CRAMP1: variants seen among roughly 807,000 people sequenced by gnomAD.
CRAMP1 encodes the protein protein cramped-like.
Under a neutral mutation model 115.4 loss-of-function variants are expected in CRAMP1, and 50 were observed. That is an observed-to-expected ratio of 0.43 (90% confidence interval 0.35 to 0.55). The LOEUF (loss-of-function observed/expected upper bound fraction) is 0.55. Ranked by LOEUF, CRAMP1 falls within the 20% of genes least tolerant of loss-of-function variation. The pLI is 0.01. For missense variants in CRAMP1, 1,679 were observed against 1,721.7 expected (o/e 0.98, Z 0.44); for synonymous variants, 866 against 745.4 (o/e 1.16, Z -2.64).
At chr16:1,643,229 A>G (rs1023321494) in intron 6 of CRAMP1, among the ~76,000 whole-genome samples, 2 of 152,106 alleles carry the variant, frequency 1.3e-5, no homozygotes, top group Non-Finnish European at 2.9e-5. Context: ...TGCAGAGGGA[A>G]AGTGCCTTCT....
At position 1,659,894 on chromosome 16, in the gene CRAMP1, A is replaced by G; in HGVS notation, c.2244A>G (p.Glu748=). 1 of 1,613,350 alleles carries G rather than the reference A, an allele frequency of 6.2e-7. No homozygotes were observed. Among genetic ancestry groups the G allele is most frequent in the African/African-American group, 1.3e-5 (1 of 75,056 alleles). ...GCCCATTTCTGTCCTAGGCTCTGGA[A>G]GCAAACACCATCTCTACAGCCTCAG... ...STEVNPKLAL[E]ANTISTASVR... is the part of the protein sequence containing the mutation. The change falls in exon 11 of 21, where the codon GAA becomes GAG. Residue 748 remains glutamate (E), a synonymous_variant. Transcript: ENST00000397412.
At chr16:1,652,985 C>G in intron 7 of CRAMP1, 48 bp from the exon 8 acceptor site, 1 of 1,610,136 alleles carries the variant, frequency 6.2e-7, no homozygotes, top group South Asian at 1.1e-5. Flanking sequence ...TGGTTTTCTA[C>G]CTTAAGGTTG....
chr16:1,652,860 C>T (rs1174833367), intron 7 of CRAMP1, among the ~76,000 whole-genome samples, 173 bp from the exon 8 acceptor site: 3 of 152,166 alleles, frequency 2.0e-5, no homozygotes, highest in Non-Finnish European at 4.4e-5. Flanking sequence ...CTTTGCAAAC[C>T]CCTGAGCAGC....
At chr16:1,631,619 A>T (rs572819489) in intron 3 of CRAMP1, among the ~76,000 whole-genome samples, 2 of 152,226 alleles carry the variant, frequency 1.3e-5, no homozygotes, top group Non-Finnish European at 2.9e-5. Context: ...CACTGAGGTG[A>T]GGCTGTTCTG....
chr16:1,652,026 G>C (rs964898174), intron 6 of CRAMP1, among the ~76,000 whole-genome samples: 7 of 151,806 alleles, frequency 4.6e-5, no homozygotes, highest in African/African-American at 1.4e-4. Context: ...AGGTCACACA[G>C]AGGTCACAGG....
chr16:1,674,110 C>T lies in CRAMP1; in HGVS notation c.*65C>T. The T allele has an allele frequency of 6.6e-7, 1 of 1,507,458 alleles. No homozygotes were observed. Among genetic ancestry groups the T allele is most frequent in the Non-Finnish European group, 9.0e-7 (1 of 1,110,368 alleles). 93.4% of individuals were successfully genotyped at this position (1,507,458 alleles called of 1,614,324 possible). A position where few individuals can be genotyped will look rare whatever the true frequency, so the allele number is the denominator to read the frequency against. ...GAGAAAAATAGATAAGCCCAGCAGC[C>T]CCAGAAGATGGTCTGAACAGAGGCA... On this transcript the variant is annotated 3_prime_UTR_variant, in exon 21 of 21. Transcript: ENST00000397412.
intron 2 of CRAMP1, among the ~76,000 whole-genome samples, chr16:1,622,028 G>T (rs1255794379): frequency 1.3e-5 from 2 of 152,064 alleles, no homozygotes; most frequent in Non-Finnish European, 2.9e-5. Flanking sequence ...GCTGAGTCAG[G>T]TGGCCTCACA....
At chr16:1,620,389 G>A (rs1368483852) in intron 2 of CRAMP1, among the ~76,000 whole-genome samples, 2 of 152,170 alleles carry the variant, frequency 1.3e-5, no homozygotes, top group African/African-American at 4.8e-5. Context: ...AGCGGGTGTC[G>A]CCAGTGCCTT....
At chr16:1,644,224 C>T (rs12926146) in intron 6 of CRAMP1, among the ~76,000 whole-genome samples, 3 of 152,072 alleles carry the variant, frequency 2.0e-5, no homozygotes, top group East Asian at 1.9e-4. Flanking sequence ...CCTCACCTGT[C>T]GTATTGTCAT....
intron 4 of CRAMP1, among the ~76,000 whole-genome samples, chr16:1,635,341 G>T (rs775436510): frequency 2.0e-5 from 3 of 152,212 alleles, no homozygotes; most frequent in Non-Finnish European, 2.9e-5. Flanking sequence ...TTGCGTGTGT[G>T]TTCGTCTTAC....
At chr16:1,625,824 G>T in intron 2 of CRAMP1, 149 bp from the exon 3 acceptor site, 1 of 668,992 alleles carries the variant, frequency 1.5e-6, no homozygotes. Flanking sequence ...CTGGTGCCGT[G>T]GGTCCTGGGT....
At position 1,674,925 on chromosome 16, in the gene CRAMP1, C is replaced by G. The variant is rs1233151670; in HGVS notation, c.*880C>G. 6.6e-6 allele frequency: 1 copy of G among 152,214 alleles called. No homozygotes were observed. The highest frequency in any genetic ancestry group is 1.5e-5 in the Non-Finnish European group (1 of 68,038). The allele number at this position is 152,214 out of a possible 1,614,324, so 9.4% of individuals were successfully genotyped here. On this transcript the variant is annotated 3_prime_UTR_variant, in exon 21 of 21. Transcript: ENST00000397412. ...GGCGCTAATATGATTACAGCGAAGA[C>G]TTTCCTGATAAGTTCTCAAACTCGA...
Position 1,647,086 on chromosome 16 carries a change from T to A in CRAMP1, c.828-5410T>A, listed in dbSNP as rs771033617. The A allele has an allele frequency of 5.6e-4, 393 of 702,752 alleles. 1 individual carries two copies. The highest frequency in any genetic ancestry group is 1.4e-3 in the Middle Eastern group (6 of 4,392). The allele number at this position is 702,752 out of a possible 1,614,324, so 43.5% of individuals were successfully genotyped here. A position where few individuals can be genotyped will look rare whatever the true frequency, so the allele number is the denominator to read the frequency against. On this transcript the variant is annotated intron_variant, in intron 6 of 20. Transcript: ENST00000397412. ...AGATTGGGAAAATGACTGAGGTGCC[T>A]GTGGGAGGCTACCCCTGGATTTCAG...
At chr16:1,636,302 C>A (rs1358711349) in intron 4 of CRAMP1, among the ~76,000 whole-genome samples, 1 of 151,140 alleles carries the variant, frequency 6.6e-6, no homozygotes, top group Non-Finnish European at 1.5e-5. Flanking sequence ...ACCTGGGAGG[C>A]GGAGGTTGCA....
rs564633949 is a variant in CRAMP1 at position 1,666,249 on chromosome 16, G to T, written c.2857+72G>T. On this transcript the variant is annotated intron_variant, in intron 15 of 20. Transcript: ENST00000397412. This position sits in a 1 kb window ranked among gnomAD's most constrained non-coding sequence, Gnocchi z 5.0. ...GGATGTTTTTGTGACCAGGTTTTTT[G>T]AATGTTTTCTTCTCCAAATCATAAT... 8.5e-5 allele frequency: 107 copies of T among 1,262,534 alleles called. No individual in the cohort carries two copies. The East Asian group carries it at 2.3e-3, about 27-fold the overall frequency. The allele number at this position is 1,262,534 out of a possible 1,614,324, so 78.2% of individuals were successfully genotyped here. A position where few individuals can be genotyped will look rare whatever the true frequency, so the allele number is the denominator to read the frequency against.
At chr16:1,659,321 C>G (rs1340805938) in intron 10 of CRAMP1, among the ~76,000 whole-genome samples, 1 of 152,168 alleles carries the variant, frequency 6.6e-6, no homozygotes, top group Admixed American at 6.5e-5. Context: ...TGGAAAGGTA[C>G]TTGTGAGGAA....
Position 1,642,418 on chromosome 16 carries a change from G to T in CRAMP1, c.827+1231G>T, listed in dbSNP as rs1418854590. Among the ~76,000 whole-genome samples the T allele has an allele frequency of 5.3e-5, 8 of 152,206 alleles. No individual in the cohort carries two copies. The East Asian group carries it at 1.5e-3, about 29-fold the overall frequency. On this transcript the variant is annotated intron_variant, in intron 6 of 20. Transcript: ENST00000397412. ...GCCTGCAGCCAACGACTGTAACTGG[G>T]TGACCACAGCCACCAGAAAGTGCAG...
At position 1,653,103 on chromosome 16, in the gene CRAMP1, G is replaced by A; in HGVS notation, c.984G>A (p.Arg328=). Residue 328 remains arginine (R), a synonymous_variant, in exon 8 of 21, where the codon CGG becomes CGA. Coordinates refer to ENST00000397412, the MANE Select transcript of CRAMP1 (RefSeq NM_020825.4). ...PLKVPIELQP[R]NNHAWARVQS... is the part of the protein sequence containing the mutation. Reference sequence around the variant, plus strand: ...AAGTCCCTATAGAGCTACAGCCGCGGAACAACCACGCCTGGGCCCGTGTGC... The same window carrying A: ...AAGTCCCTATAGAGCTACAGCCGCGAAACAACCACGCCTGGGCCCGTGTGC... 1 of 1,612,292 alleles carries A rather than the reference G, an allele frequency of 6.2e-7. No individual in the cohort carries two copies. The highest frequency in any genetic ancestry group is 1.7e-4 in the Middle Eastern group (1 of 6,060).
Position 1,662,345 on chromosome 16 carries a change from C to T in CRAMP1, c.2414-145C>T, listed in dbSNP as rs1596496606. ...ATAGAAAATCAGTCTTTATGTGGGA[C>T]TGAGATAGAGGTGTCTCCTTTCAAG... On this transcript the variant is annotated intron_variant, in intron 11 of 20. Transcript: ENST00000397412. 80 of 654,402 alleles carry T rather than the reference C, an allele frequency of 1.2e-4. No homozygotes were observed. In the East Asian group the frequency reaches 2.0e-3, roughly 17 times the overall value. The allele number at this position is 654,402 out of a possible 1,614,324, so 40.5% of individuals were successfully genotyped here. A position where few individuals can be genotyped will look rare whatever the true frequency, so the allele number is the denominator to read the frequency against.
Sources: gnomAD v4.1 joint callset for allele counts (sites outside exome capture counted in the v4.1 genomes callset) on GRCh38, gnomAD v4.1.1 for gene constraint, Gnocchi (gnomAD v3.1) non-coding constraint, MANE v1.5 for transcripts, NCBI Gene and HGNC (gene_info 2026-07-23, HGNC 2026-07-21) for gene names.